Variants in SDK1 observed in about 807,000 individuals in gnomAD.
SDK1 encodes the protein protein sidekick-1.
In SDK1, 157 loss-of-function variants were observed where a neutral mutation model predicts 245.5. That is an observed-to-expected ratio of 0.64 (90% confidence interval 0.56 to 0.73). The LOEUF is 0.73. Among genes scored for constraint, SDK1 ranks in the 30% least tolerant of loss-of-function variants. The pLI, the probability that SDK1 is intolerant of heterozygous loss-of-function variation, is 0.00. For synonymous variants in SDK1, 1,647 were observed against 1,278.5 expected (o/e 1.29, Z -6.15); for missense variants, 3,583 against 3,002.3 (o/e 1.19, Z -4.52).
At chr7:3,393,791 T>C (rs2128571107) in intron 1 of SDK1, among the ~76,000 whole-genome samples, 1 of 152,302 alleles carries the variant, frequency 6.6e-6, no homozygotes, top group Non-Finnish European at 1.5e-5. Context: ...AACAGCTATT[T>C]TGAGTTCTTG....
intron 32 of SDK1, among the ~76,000 whole-genome samples, chr7:4,165,404 T>A (rs1247776923): frequency 1.3e-5 from 2 of 152,188 alleles, no homozygotes; most frequent in African/African-American, 2.4e-5. Context: ...TCAAGGCTTA[T>A]AGACCCATTT....
chr7:3,685,472 C>A (rs1743098175), intron 4 of SDK1, among the ~76,000 whole-genome samples: 1 of 152,014 alleles, frequency 6.6e-6, no homozygotes. Context: ...ATAAAATATT[C>A]TAAACAGAAA....
chr7:4,186,969 G>A (rs1782933080), intron 35 of SDK1, among the ~76,000 whole-genome samples: 1 of 152,152 alleles, frequency 6.6e-6, no homozygotes. Flanking sequence ...CCTTCTGGGG[G>A]CTGCAAGTAG....
intron 4 of SDK1, among the ~76,000 whole-genome samples, chr7:3,699,912 C>G (rs1349701146): frequency 2.6e-5 from 4 of 152,216 alleles, no homozygotes; most frequent in South Asian, 2.1e-4. Flanking sequence ...AGTTAAACTT[C>G]TAGAACTAAG....
At chr7:3,687,072 C>CACAT (rs1784307029) in intron 4 of SDK1, among the ~76,000 whole-genome samples, 1 of 150,070 alleles carries the variant, frequency 6.7e-6, no homozygotes, top group Non-Finnish European at 1.5e-5. Context: ...CACACACACA[C>CACAT]ACACACACAC....
rs546099265 is a variant in SDK1 at position 4,236,399 on chromosome 7, T to C, written c.5993-1248T>C. On this transcript the variant is annotated intron_variant, in intron 41 of 44. Coordinates refer to ENST00000404826, the MANE Select transcript of SDK1 (RefSeq NM_152744.4). ...AGCGTCCTTCAAAGCCGCCTTTACA[T>C]GCATTTTTTTCTATTGATTTCTCAA... Among the ~76,000 whole-genome samples, 3 of 152,090 alleles carry C rather than the reference T, an allele frequency of 2.0e-5. No individual in the cohort carries two copies. The East Asian group carries it at 5.8e-4, about 30-fold the overall frequency.
intron 4 of SDK1, among the ~76,000 whole-genome samples, chr7:3,646,568 A>G (rs960887236): frequency 2.6e-5 from 4 of 152,240 alleles, no homozygotes; most frequent in Non-Finnish European, 5.9e-5. Flanking sequence ...ACACAGAGCC[A>G]GGGTTCACAC....
chr7:3,346,834 T>A (rs1305813770), intron 1 of SDK1, among the ~76,000 whole-genome samples: 7 of 112,354 alleles, frequency 6.2e-5, no homozygotes, highest in African/African-American at 2.7e-4. Flanking sequence ...TATATTTTTT[T>A]TTTTTTTTTT....
chr7:4,241,715 C>T, intron 42 of SDK1, 78 bp from the exon 43 acceptor site: 1 of 1,584,634 alleles, frequency 6.3e-7, no homozygotes, highest in Non-Finnish European at 8.6e-7. Context: ...AGCTGCCCCG[C>T]TGGCCAGCTC....
intron 4 of SDK1, among the ~76,000 whole-genome samples, chr7:3,697,019 T>TGA (rs79222806): frequency 0.018 from 2,745 of 152,298 alleles, 36 homozygotes; most frequent in Middle Eastern, 0.058. Context: ...AGATCTTGAA[T>TGA]GAGATATACT....
intron 5 of SDK1, among the ~76,000 whole-genome samples, chr7:3,822,037 A>AT (rs1018116721): frequency 1.3e-5 from 2 of 152,174 alleles, no homozygotes; most frequent in Non-Finnish European, 2.9e-5. Flanking sequence ...TCAGTTGATC[A>AT]TTTTTTCCAC....
At chr7:4,135,519 C>G (rs1224885635) in intron 28 of SDK1, among the ~76,000 whole-genome samples, 1 of 152,258 alleles carries the variant, frequency 6.6e-6, no homozygotes, top group African/African-American at 2.4e-5. Context: ...TGGCACGAAC[C>G]TTGGGGCTGC....
chr7:3,889,919 C>A (rs749218174), intron 5 of SDK1, among the ~76,000 whole-genome samples: 1 of 152,198 alleles, frequency 6.6e-6, no homozygotes, highest in Non-Finnish European at 1.5e-5. Context: ...CTCTTGAGAA[C>A]CTTCCAGGAA....
intron 1 of SDK1, among the ~76,000 whole-genome samples, chr7:3,391,966 A>AATATATAT (rs55768106): frequency 5.6e-5 from 8 of 143,974 alleles, no homozygotes; most frequent in African/African-American, 2.1e-4. Flanking sequence ...TATATCATGT[A>AATATATAT]ATATATATAT....
intron 5 of SDK1, among the ~76,000 whole-genome samples, chr7:3,895,697 T>G (rs909608802): frequency 2.6e-5 from 4 of 152,194 alleles, no homozygotes; most frequent in Non-Finnish European, 5.9e-5. Context: ...AGTCAGACCT[T>G]TCTTCTTTTC....
chr7:3,464,480 C>T (rs1780928243), intron 1 of SDK1, among the ~76,000 whole-genome samples: 1 of 152,118 alleles, frequency 6.6e-6, no homozygotes, highest in South Asian at 2.1e-4. Context: ...ACGATTTCGC[C>T]ACTGCACTCC....
chr7:3,577,769 C>A (rs1482433424), intron 1 of SDK1, among the ~76,000 whole-genome samples: 1 of 151,988 alleles, frequency 6.6e-6, no homozygotes, highest in Non-Finnish European at 1.5e-5. Flanking sequence ...TTGCATTCAG[C>A]TTTTGTATGG....
At chr7:3,450,950 A>G (rs1167296823) in intron 1 of SDK1, among the ~76,000 whole-genome samples, 1 of 152,164 alleles carries the variant, frequency 6.6e-6, no homozygotes, top group South Asian at 2.1e-4. Context: ...AAAGTTTCAT[A>G]AAGGAAACGA....
At chr7:3,777,455 TGAG>T (rs1190359940) in intron 4 of SDK1, among the ~76,000 whole-genome samples, 1 of 152,240 alleles carries the variant, frequency 6.6e-6, no homozygotes, top group Non-Finnish European at 1.5e-5. Context: ...ATTTTACAGA[TGAG>T]GAGACATTTT....
Sources: gnomAD v4.1 joint callset for allele counts (sites outside exome capture counted in the v4.1 genomes callset) on GRCh38, gnomAD v4.1.1 for gene constraint, MANE v1.5 for transcripts, NCBI Gene and HGNC (gene_info 2026-07-23, HGNC 2026-07-21) for gene names.